The following PGBD5 variants were observed in gnomAD, a reference collection of about 807,000 sequenced individuals.
PGBD5 encodes the protein piggyBac transposable element-derived protein 5.
In PGBD5, 14 loss-of-function variants were observed where a neutral mutation model predicts 47.9. That is an observed-to-expected ratio of 0.29 (90% CI 0.19 to 0.46). The LOEUF is 0.46. PGBD5 is among the 20% of genes least tolerant of loss of function. PGBD5 has a pLI of 1.00. For synonymous variants in PGBD5, 316 were observed against 306.3 expected, an observed-to-expected ratio of 1.03 and a Z score of -0.33; for missense variants, 635 against 716.0, an observed-to-expected ratio of 0.89 and a Z score of 1.29.
At chr1:230,401,140 G>A (rs180795352) in intron 1 of PGBD5, among the ~76,000 whole-genome samples, 184 of 152,352 alleles carry the variant, frequency 1.2e-3, no homozygotes, top group Admixed American at 2.4e-3. Flanking sequence ...GGTCAGGACA[G>A]GCATTGGGCC....
At chr1:230,379,459 A>G (rs963071368) in intron 1 of PGBD5, among the ~76,000 whole-genome samples, 2 of 152,170 alleles carry the variant, frequency 1.3e-5, no homozygotes, top group Non-Finnish European at 2.9e-5. Flanking sequence ...TATTAGAATT[A>G]ACTTTCAAAA....
At chr1:230,385,252 G>A (rs1656608084) in intron 1 of PGBD5, among the ~76,000 whole-genome samples, 1 of 152,016 alleles carries the variant, frequency 6.6e-6, no homozygotes, top group African/African-American at 2.4e-5. Flanking sequence ...TTTGAATTGA[G>A]AGACAGATGC....
intron 1 of PGBD5, among the ~76,000 whole-genome samples, chr1:230,404,621 A>ATATATATAT (rs1657250538): frequency 7.4e-6 from 1 of 134,412 alleles, no homozygotes; most frequent in African/African-American, 2.8e-5. Context: ...CAAAAAAAAA[A>ATATATATAT]AAAAAAAAAT....
chr1:230,356,549 T>G (rs1000504405), intron 2 of PGBD5, among the ~76,000 whole-genome samples: 3 of 152,082 alleles, frequency 2.0e-5, no homozygotes, highest in African/African-American at 7.2e-5. Context: ...GAGGCCACAC[T>G]CAGAGAATAT....
In PGBD5 at chr1:230,315,669, C is replaced by G. The variant is rs1002555236; in HGVS notation, c.*7756G>C. The G allele has an allele frequency of 6.6e-6, 1 of 151,152 alleles. No individual in the cohort carries two copies. The highest frequency in any genetic ancestry group is 2.1e-4 in the South Asian group (1 of 4,800). The allele number at this position is 151,152 out of a possible 1,614,324, so 9.4% of individuals were successfully genotyped here. On this transcript the variant is annotated 3_prime_UTR_variant, in exon 7 of 7. Coordinates refer to ENST00000391860, the MANE Select transcript of PGBD5 (RefSeq NM_001258311.2). ...TCATGTGGTAGACTCTGTATTTTAT[C>G]GTGTGTGTATGTGTGTGTATATTTA...
intron 1 of PGBD5, among the ~76,000 whole-genome samples, chr1:230,393,882 G>A (rs1558209648): frequency 6.7e-6 from 1 of 149,302 alleles, no homozygotes. Context: ...AGCCTGATTA[G>A]AAACATGTGG....
intron 1 of PGBD5, among the ~76,000 whole-genome samples, chr1:230,421,206 A>G (rs2102756290): frequency 6.6e-6 from 1 of 152,314 alleles, no homozygotes; most frequent in East Asian, 1.9e-4. Flanking sequence ...AGCTACGCCA[A>G]CCACTATACC....
chr1:230,393,934 C>T (rs779717606), intron 1 of PGBD5, among the ~76,000 whole-genome samples: 2 of 152,238 alleles, frequency 1.3e-5, no homozygotes, highest in East Asian at 3.9e-4. Context: ...CCCTAGAGTC[C>T]GCCACACCTG....
intron 6 of PGBD5, among the ~76,000 whole-genome samples, chr1:230,324,247 T>A (rs1221750919): frequency 6.6e-6 from 1 of 152,186 alleles, no homozygotes; most frequent in Non-Finnish European, 1.5e-5. Context: ...AGGATCGGTA[T>A]CCTCAATATC....
intron 4 of PGBD5, among the ~76,000 whole-genome samples, chr1:230,334,716 G>GTACCTC (rs1667275567): frequency 6.6e-6 from 1 of 152,214 alleles, no homozygotes; most frequent in African/African-American, 2.4e-5. Context: ...AGTCACGGCA[G>GTACCTC]AGGAGGTACA....
At chr1:230,355,955 G>A (rs751660551) in intron 2 of PGBD5, among the ~76,000 whole-genome samples, 8 of 152,192 alleles carry the variant, frequency 5.3e-5, no homozygotes, top group Admixed American at 2.0e-4. Context: ...TGAGGGGAAG[G>A]CACGCTATAG....
chr1:230,339,764 A>G (rs1667382634), intron 3 of PGBD5, among the ~76,000 whole-genome samples: 1 of 152,200 alleles, frequency 6.6e-6, no homozygotes, highest in South Asian at 2.1e-4. Flanking sequence ...GAAGAGAAAC[A>G]CTGTATGATC....
At chr1:230,393,453 A>G (rs1213264367) in intron 1 of PGBD5, among the ~76,000 whole-genome samples, 1 of 152,132 alleles carries the variant, frequency 6.6e-6, no homozygotes, top group Non-Finnish European at 1.5e-5. Flanking sequence ...GGTGACTCAC[A>G]GATTCTCACA....
At chr1:230,333,866 C>T (rs1026090201) in intron 4 of PGBD5, among the ~76,000 whole-genome samples, 3 of 152,186 alleles carry the variant, frequency 2.0e-5, no homozygotes, top group African/African-American at 7.2e-5. Flanking sequence ...CACTTCCACT[C>T]TGGACTCAAG....
rs1666965048 is a variant in PGBD5, at chr1:230,317,300, CAG to C, written c.*6123_*6124del. ...GAGAACCAGGAAGCCCTGGAGCAGA[CAG>C]AGTGAGGGTCAACCTGGCTCCACAC... On this transcript the variant is annotated 3_prime_UTR_variant, in exon 7 of 7. Transcript: ENST00000391860. The C allele has an allele frequency of 6.6e-6, 1 of 152,298 alleles. No homozygotes were observed. Among genetic ancestry groups the C allele is most frequent in the African/African-American group, 2.4e-5 (1 of 41,454 alleles). 9.4% of individuals were successfully genotyped at this position (152,298 alleles called of 1,614,324 possible). A position where few individuals can be genotyped will look rare whatever the true frequency, so the allele number is the denominator to read the frequency against.
rs368012018 is a variant in PGBD5 at position 230,411,275 on chromosome 1, C to T, written c.331+14323G>A. On this transcript the variant is annotated intron_variant, in intron 1 of 6. Coordinates refer to ENST00000391860, the MANE Select transcript of PGBD5 (RefSeq NM_001258311.2). The stretch of plus-strand genomic sequence containing the variant: ...TCCAGCCTGGGCAACAGAGCACAGA[C>T]CCCCATCTCAAAAAAGGGCGGAGAG... Among the ~76,000 whole-genome samples, 6 of 152,186 alleles carry T rather than the reference C, an allele frequency of 3.9e-5. No homozygotes were observed. In the South Asian group the frequency reaches 1.0e-3, roughly 26 times the overall value.
intron 1 of PGBD5, among the ~76,000 whole-genome samples, chr1:230,386,416 A>G (rs1656639536): frequency 6.6e-6 from 1 of 152,034 alleles, no homozygotes; most frequent in African/African-American, 2.4e-5. Context: ...GTGTATTCTT[A>G]TACCAAATGT....
chr1:230,384,429 G>T (rs1656587544), intron 1 of PGBD5, among the ~76,000 whole-genome samples: 1 of 152,028 alleles, frequency 6.6e-6, no homozygotes, highest in Non-Finnish European at 1.5e-5. Flanking sequence ...ACCAACCCAG[G>T]TTCAAATTCT....
At chr1:230,337,053 C>T (rs1667336420) in intron 4 of PGBD5, 55 bp downstream of exon 4, 1 of 1,578,528 alleles carries the variant, frequency 6.3e-7, no homozygotes, top group Admixed American at 1.7e-5. Flanking sequence ...ACCTCTCCCA[C>T]CACTTTCCCA....
Sources: gnomAD v4.1 joint callset for allele counts (sites outside exome capture counted in the v4.1 genomes callset) on GRCh38, gnomAD v4.1.1 for gene constraint, MANE v1.5 for transcripts, NCBI Gene and HGNC (gene_info 2026-07-23, HGNC 2026-07-21) for gene names.